The following CAST variants were observed in gnomAD, a reference collection of about 807,000 sequenced individuals.
CAST encodes calpastatin, also known as MIR583 host.
In CAST, 76 loss-of-function variants were observed where a neutral mutation model predicts 119.6. The observed-to-expected ratio is 0.64, with a 90% CI of 0.53 to 0.77. The LOEUF (loss-of-function observed/expected upper bound fraction) is 0.77. CAST is among the 30% of genes least tolerant of loss of function. The pLI is 0.00. For synonymous variants in CAST, 319 were observed against 331.6 expected, an observed-to-expected ratio of 0.96 and a Z score of 0.41; for missense variants, 953 against 946.5, an observed-to-expected ratio of 1.01 and a Z score of -0.09.
At chr5:96,509,108 A>G in the CAST span, among the ~76,000 whole-genome samples, 1 of 152,198 alleles carries the variant, frequency 6.6e-6, no homozygotes, top group African/African-American at 2.4e-5. Flanking sequence ...CTCCATTGTA[A>G]TTTTGAAGTT....
At chr5:96,408,446 G>A in the CAST span, 1 of 723,892 alleles carries the variant, frequency 1.4e-6, no homozygotes, top group African/African-American at 1.7e-5. Context: ...TGATTCGATT[G>A]CCTACTTTCT....
the CAST span, among the ~76,000 whole-genome samples, chr5:96,359,616 T>A: frequency 6.6e-6 from 1 of 152,232 alleles, no homozygotes; most frequent in Non-Finnish European, 1.5e-5. Flanking sequence ...GGATTTAAAA[T>A]TCTGGGTTGA....
the CAST span, among the ~76,000 whole-genome samples, chr5:96,218,968 C>T: frequency 6.6e-6 from 1 of 152,106 alleles, no homozygotes; most frequent in African/African-American, 2.4e-5. Context: ...TCAGTTTCTT[C>T]AGGTGAAAAG....
At chr5:96,268,489 G>C in the CAST span, among the ~76,000 whole-genome samples, 1 of 152,096 alleles carries the variant, frequency 6.6e-6, no homozygotes, top group Non-Finnish European at 1.5e-5. Context: ...GAGACAGGAG[G>C]ATCCCTTGAA....
chr5:96,250,447 A>G, the CAST span, among the ~76,000 whole-genome samples: 1 of 152,020 alleles, frequency 6.6e-6, no homozygotes, highest in South Asian at 2.1e-4. Flanking sequence ...TTCTGTTCCC[A>G]TTCCAGGCAG....
chr5:96,187,620 G>A, the CAST span, among the ~76,000 whole-genome samples: 2 of 152,152 alleles, frequency 1.3e-5, no homozygotes, highest in African/African-American at 4.8e-5. Context: ...TCATTCAGTA[G>A]CAGGAACAAC....
chr5:96,352,652 A>C, the CAST span, among the ~76,000 whole-genome samples: 1 of 152,158 alleles, frequency 6.6e-6, no homozygotes, highest in Non-Finnish European at 1.5e-5. Context: ...TCTTGGTAAG[A>C]CGTGCTTAGG....
At chr5:96,579,294 G>A (rs1246485264) in intron 1 of CAST, among the ~76,000 whole-genome samples, 2 of 152,178 alleles carry the variant, frequency 1.3e-5, no homozygotes, top group Non-Finnish European at 1.5e-5. Flanking sequence ...AGCTCAAAGA[G>A]GCTTCCAGAG....
the CAST span, among the ~76,000 whole-genome samples, chr5:96,071,644 C>G: frequency 6.6e-6 from 1 of 152,132 alleles, no homozygotes; most frequent in Non-Finnish European, 1.5e-5. Flanking sequence ...TGTCTCTCAC[C>G]TTTCTGGTTT....
the CAST span, among the ~76,000 whole-genome samples, chr5:96,378,753 G>A: frequency 6.6e-6 from 1 of 151,900 alleles, no homozygotes; most frequent in South Asian, 2.1e-4. Flanking sequence ...TTATTTATGA[G>A]TGTCCTTTCC....
chr5:96,342,784 T>C, the CAST span, among the ~76,000 whole-genome samples: 1 of 152,146 alleles, frequency 6.6e-6, no homozygotes, highest in Non-Finnish European at 1.5e-5. Context: ...TCTCTGAAAA[T>C]GGGATGTGTT....
chr5:96,257,126 C>T, the CAST span, among the ~76,000 whole-genome samples: 1 of 152,290 alleles, frequency 6.6e-6, no homozygotes, highest in South Asian at 2.1e-4. Flanking sequence ...TTTACTGCCT[C>T]TGGGCTGTTT....
At chr5:96,238,554 A>ATTTTTTTTTT in the CAST span, among the ~76,000 whole-genome samples, 1 of 136,246 alleles carries the variant, frequency 7.3e-6, no homozygotes, top group Non-Finnish European at 1.6e-5. Context: ...CACCTGGCTA[A>ATTTTTTTTTT]TTTTTTTTTT....
At chr5:96,227,497 A>G in the CAST span, among the ~76,000 whole-genome samples, 3 of 152,172 alleles carry the variant, frequency 2.0e-5, no homozygotes, top group East Asian at 3.9e-4. Context: ...GAATGACTCA[A>G]TGTCTGGACC....
the CAST span, among the ~76,000 whole-genome samples, chr5:96,145,139 C>A: frequency 3.3e-5 from 5 of 152,318 alleles, no homozygotes; most frequent in African/African-American, 1.2e-4. Flanking sequence ...AAGCTGTCTT[C>A]AGCTATCAGT....
At chr5:95,968,899 A>G in the CAST span, among the ~76,000 whole-genome samples, 4 of 152,186 alleles carry the variant, frequency 2.6e-5, no homozygotes, top group South Asian at 2.1e-4. Flanking sequence ...AGAGGTGAAG[A>G]TAAGACCTAC....
the CAST span, among the ~76,000 whole-genome samples, chr5:96,352,022 T>A: frequency 6.6e-6 from 1 of 152,138 alleles, no homozygotes; most frequent in Non-Finnish European, 1.5e-5. Flanking sequence ...TACCTCACCA[T>A]ACAGTCACAT....
chr5:96,716,474 G>A (rs1367637483), intron 3 of CAST, among the ~76,000 whole-genome samples: 1 of 152,210 alleles, frequency 6.6e-6, no homozygotes, highest in Non-Finnish European at 1.5e-5. Flanking sequence ...ACAAATTCAT[G>A]CATTTATCTC....
At chr5:96,656,947 A>G (rs563321755) in intron 1 of CAST, among the ~76,000 whole-genome samples, 1 of 152,130 alleles carries the variant, frequency 6.6e-6, no homozygotes, top group African/African-American at 2.4e-5. Context: ...TCTTAATTAA[A>G]AAAAAACACT....
Sources: allele counts gnomAD v4.1 joint callset (sites outside exome capture counted in the v4.1 genomes callset), GRCh38; gene constraint gnomAD v4.1.1; transcripts MANE v1.5; gene names NCBI Gene and HGNC (gene_info 2026-07-23, HGNC 2026-07-21).